The following ECH1 variants were observed in gnomAD, a reference collection of about 807,000 sequenced individuals.
ECH1 encodes the protein enoyl-CoA hydratase 1, also known as delta(3,5)-Delta(2,4)-dienoyl-CoA isomerase, mitochondrial.
ECH1 carries 30 observed loss-of-function variants against 37.0 expected under a neutral mutation model. The ratio of observed to expected loss-of-function variants is 0.81; its 90% CI spans 0.61 to 1.10. The LOEUF (loss-of-function observed/expected upper bound fraction) is 1.10, where lower values mean the gene tolerates loss of function less well. ECH1 is among the 50% of genes least tolerant of loss of function. The pLI is 0.00. For missense variants in ECH1, 456 were observed against 441.6 expected (o/e 1.03, Z -0.29); for synonymous variants, 178 against 176.0 (o/e 1.01, Z -0.09).
Position 38,815,856 on chromosome 19 carries a change from C to A in ECH1, c.882+1G>T. ...GTGATTGGTCGGAGCGTGCACCTTA[C>A]CACGTAGTTGAGGCTCTCGGCCACC... On this transcript the variant is annotated splice_donor_variant, in intron 9 of 9. Transcript: ENST00000221418. LOFTEE classifies it high-confidence loss of function. The A allele has an allele frequency of 1.9e-6, 3 of 1,614,176 alleles. No individual in the cohort carries two copies. Among genetic ancestry groups the A allele is most frequent in the Non-Finnish European group, 2.5e-6 (3 of 1,180,032 alleles).
rs777285072 is a variant in ECH1 at position 38,818,931 on chromosome 19, G to GCGCGCGCGCGCA, written c.350-1357_350-1356insTGCGCGCGCGCG. The stretch of plus-strand genomic sequence containing the variant: ...TGTGTGTGTGTGTGTGTGTGTGTGT[G>GCGCGCGCGCGCA]TGCACTGTTCCCAACCTGTTACTTT... On this transcript the variant is annotated intron_variant, in intron 3 of 9. Coordinates refer to ENST00000221418, the MANE Select transcript of ECH1 (RefSeq NM_001398.3). Among the ~76,000 whole-genome samples, 281 of 127,194 alleles carry GCGCGCGCGCGCA rather than the reference G, an allele frequency of 2.2e-3. 8 individuals carry two copies. The South Asian group carries it at 0.053, about 24-fold the overall frequency. The allele number at this position is 127,194 out of a possible 152,430, so 83.4% of individuals were successfully genotyped here.
At chr19:38,817,176 C>A in intron 5 of ECH1, 47 bp from the exon 6 acceptor site, 1 of 1,553,182 alleles carries the variant, frequency 6.4e-7, no homozygotes, top group Non-Finnish European at 8.7e-7. Context: ...AGAACCAACC[C>A]TGGCTCCCGG....
chr19:38,816,216 C>A, intron 8 of ECH1, 68 bp downstream of exon 8: 2 of 1,581,634 alleles, frequency 1.3e-6, no homozygotes, highest in Admixed American at 3.5e-5. Flanking sequence ...ACAAGGGGAC[C>A]CGGAGAGGCC....
rs761353419 is a variant in ECH1, at chr19:38,831,115, C to T, written c.312G>A (p.Ala104=). The change falls in exon 3 of 10, where the codon GCG becomes GCA. Residue 104 remains alanine (A), a synonymous_variant. Transcript: ENST00000221418. The part of the protein sequence containing the change: ...NKISRDADCR[A]VVISGAGKMF... Reference sequence around the variant, plus strand: ...TTTTTCCTGCACCAGAGATCACCACCGCCCGACAGTCAGCGTCTCTCGAAA... The same window carrying T: ...TTTTTCCTGCACCAGAGATCACCACTGCCCGACAGTCAGCGTCTCTCGAAA... 6 of 1,614,012 alleles carry T rather than the reference C, an allele frequency of 3.7e-6. No individual in the cohort carries two copies. The Admixed American group carries it at 5.0e-5, about 13-fold the overall frequency.
intron 3 of ECH1, among the ~76,000 whole-genome samples, chr19:38,821,664 G>A (rs567342481): frequency 1.2e-4 from 19 of 152,326 alleles, no homozygotes; most frequent in Non-Finnish European, 2.4e-4. Context: ...AGGGTACACC[G>A]GGTCCCCCAG....
At chr19:38,819,574 G>A (rs997805585) in intron 3 of ECH1, among the ~76,000 whole-genome samples, 2 of 151,992 alleles carry the variant, frequency 1.3e-5, no homozygotes, top group African/African-American at 2.4e-5. Context: ...AGGGCCTGGC[G>A]CACACGAGCT....
Position 38,816,626 on chromosome 19 carries a change from C to A in ECH1, c.589-103G>T, listed in dbSNP as rs2145369242. On this transcript the variant is annotated intron_variant, in intron 6 of 9. Coordinates refer to ENST00000221418, the MANE Select transcript of ECH1 (RefSeq NM_001398.3). ...ATGTCTACTGGAGAGTCCCGCCCCA[C>A]CTTCACCCCAGTGACTTCCTCCAAA... The A allele has an allele frequency of 1.0e-5, 14 of 1,355,988 alleles. No individual in the cohort carries two copies. In the South Asian group the frequency reaches 1.3e-4, roughly 12 times the overall value. 84.0% of individuals were successfully genotyped at this position (1,355,988 alleles called of 1,614,324 possible).
At chr19:38,817,040 G>C in intron 6 of ECH1, 25 bp downstream of exon 6, 1 of 1,558,592 alleles carries the variant, frequency 6.4e-7, no homozygotes, top group Non-Finnish European at 8.7e-7. Context: ...CCAGCTCTAA[G>C]CAGGAGCTCG....
intron 3 of ECH1, chr19:38,818,479 T>C (rs1971610228): frequency 1.6e-6 from 1 of 622,280 alleles, no homozygotes; most frequent in Non-Finnish European, 2.0e-6. Context: ...TCAGATCCTC[T>C]TTTTTTTTAT....
chr19:38,816,107 AC>A, intron 8 of ECH1, 100 bp from the exon 9 acceptor site: 1 of 1,541,658 alleles, frequency 6.5e-7, no homozygotes, highest in South Asian at 1.2e-5. Context: ...AAGGCCCAAG[AC>A]CCCAGAGAAA....
At chr19:38,820,998 G>A (rs917695568) in intron 3 of ECH1, among the ~76,000 whole-genome samples, 2 of 152,232 alleles carry the variant, frequency 1.3e-5, no homozygotes, top group African/African-American at 4.8e-5. Flanking sequence ...AAAGCAGGAG[G>A]CTGGGTGCGG....
chr19:38,829,852 A>C lies in ECH1; in HGVS notation c.349+1226T>G, dbSNP rs557925265. 5.3e-5 allele frequency among the ~76,000 whole-genome samples: 8 copies of C among 152,024 alleles called. No individual in the cohort carries two copies. The East Asian group carries it at 1.4e-3, about 26-fold the overall frequency. On this transcript the variant is annotated intron_variant, in intron 3 of 9. Coordinates refer to ENST00000221418, the MANE Select transcript of ECH1 (RefSeq NM_001398.3). ...AAAGAAAGAAAACTACAATATCTGA[A>C]ATTTAAAATCAGTGGGTAGTAGCTG...
At chr19:38,831,694 AC>A (rs866858145) in intron 1 of ECH1, 26 bp downstream of exon 1, 5 of 1,613,084 alleles carry the variant, frequency 3.1e-6, no homozygotes, top group Non-Finnish European at 3.4e-6. Context: ...AGCGCGACGC[AC>A]CCCCATAAGG....
intron 3 of ECH1, among the ~76,000 whole-genome samples, chr19:38,830,201 TA>T (rs1971798412): frequency 1.3e-5 from 2 of 152,198 alleles, no homozygotes; most frequent in Admixed American, 1.3e-4. Flanking sequence ...TAGAGATGAC[TA>T]AACAGTTAGT....
Position 38,818,930 on chromosome 19 carries a change from T to TGCGC in ECH1, c.350-1356_350-1355insGCGC, listed in dbSNP as rs572871334. On this transcript the variant is annotated intron_variant, in intron 3 of 9. Coordinates refer to ENST00000221418, the MANE Select transcript of ECH1 (RefSeq NM_001398.3). ...GTGTGTGTGTGTGTGTGTGTGTGTG[T>TGCGC]GTGCACTGTTCCCAACCTGTTACTT... 1.5e-3 allele frequency among the ~76,000 whole-genome samples: 167 copies of TGCGC among 108,988 alleles called. 3 individuals carry two copies. The highest frequency in any genetic ancestry group is 0.015 in the East Asian group (27 of 1,856). 71.5% of individuals were successfully genotyped at this position (108,988 alleles called of 152,430 possible).
intron 3 of ECH1, among the ~76,000 whole-genome samples, chr19:38,826,155 C>T (rs1053441966): frequency 1.3e-5 from 2 of 152,170 alleles, no homozygotes; most frequent in Non-Finnish European, 2.9e-5. Context: ...TCTTATTATG[C>T]CTGAAAGTTC....
In ECH1 at chr19:38,816,904, C is replaced by T. The variant is rs1449915381; in HGVS notation, c.588+161G>A. 18 of 824,272 alleles carry T rather than the reference C, an allele frequency of 2.2e-5. No homozygotes were observed. In the East Asian group the frequency reaches 4.5e-4, roughly 21 times the overall value. The allele number at this position is 824,272 out of a possible 1,614,324, so 51.1% of individuals were successfully genotyped here. A position where few individuals can be genotyped will look rare whatever the true frequency, so the allele number is the denominator to read the frequency against. ...TGCCAGCCTCAACCCCACCTCATACCTTACCCACTCACAACTTCACCTCTT... is the reference window on the plus strand; with the variant it reads ...TGCCAGCCTCAACCCCACCTCATACTTTACCCACTCACAACTTCACCTCTT... On this transcript the variant is annotated intron_variant, in intron 6 of 9. Coordinates refer to ENST00000221418, the MANE Select transcript of ECH1 (RefSeq NM_001398.3).
chr19:38,831,048 C>T, intron 3 of ECH1, 30 bp downstream of exon 3: 1 of 1,603,872 alleles, frequency 6.2e-7, no homozygotes, highest in African/African-American at 1.3e-5. Context: ...GCTAGGAAGG[C>T]TGGCAGGGTG....
intron 3 of ECH1, among the ~76,000 whole-genome samples, chr19:38,826,233 A>T (rs772310996): frequency 6.6e-6 from 1 of 152,196 alleles, no homozygotes; most frequent in Non-Finnish European, 1.5e-5. Flanking sequence ...TATGGGGAAC[A>T]AGTTACCCAT....
Sources: gnomAD v4.1 joint callset for allele counts (sites outside exome capture counted in the v4.1 genomes callset) on GRCh38, gnomAD v4.1.1 for gene constraint, MANE v1.5 for transcripts, NCBI Gene and HGNC (gene_info 2026-07-23, HGNC 2026-07-21) for gene names.